EPB41L4A: variants seen among roughly 807,000 people sequenced by gnomAD.
EPB41L4A encodes erythrocyte membrane protein band 4.1 like 4A.
Under a neutral mutation model 108.6 loss-of-function variants are expected in EPB41L4A, and 100 were observed. That is an observed-to-expected ratio of 0.92 (90% CI 0.78 to 1.09). EPB41L4A has a LOEUF of 1.09. Ranked by LOEUF, EPB41L4A falls within the 50% of genes least tolerant of loss-of-function variation. EPB41L4A has a pLI of 0.00. For synonymous variants in EPB41L4A, 319 were observed against 289.0 expected (o/e 1.10, Z -1.05); for missense variants, 1,030 against 842.7 (o/e 1.22, Z -2.75).
chr5:112,370,582 GA>G (rs1435652418), intron 1 of EPB41L4A, among the ~76,000 whole-genome samples: 1 of 152,072 alleles, frequency 6.6e-6, no homozygotes, highest in Non-Finnish European at 1.5e-5. Context: ...TGGATTTTTA[GA>G]AAAGTTCGAT....
intron 1 of EPB41L4A, among the ~76,000 whole-genome samples, chr5:112,334,866 A>C (rs1756816349): frequency 1.3e-5 from 2 of 152,132 alleles, no homozygotes; most frequent in African/African-American, 4.8e-5. Flanking sequence ...GGATTACAAC[A>C]GTGAGTATAA....
At chr5:112,343,557 G>A (rs949325035) in intron 1 of EPB41L4A, among the ~76,000 whole-genome samples, 2 of 151,716 alleles carry the variant, frequency 1.3e-5, no homozygotes, top group East Asian at 1.9e-4. Context: ...CCATCACCAC[G>A]ACCACGTTCA....
At chr5:112,414,389 G>T (rs566354975) in intron 1 of EPB41L4A, among the ~76,000 whole-genome samples, 1 of 152,168 alleles carries the variant, frequency 6.6e-6, no homozygotes, top group Non-Finnish European at 1.5e-5. Context: ...GGTTCTCAAC[G>T]GAGGGTGATT....
chr5:112,235,867 G>A (rs911630363), intron 11 of EPB41L4A, among the ~76,000 whole-genome samples: 1 of 152,154 alleles, frequency 6.6e-6, no homozygotes, highest in Non-Finnish European at 1.5e-5. Flanking sequence ...ATGGAAATTC[G>A]GGAGGGGAGA....
chr5:112,291,721 G>C (rs1269834807), intron 2 of EPB41L4A, among the ~76,000 whole-genome samples: 1 of 152,224 alleles, frequency 6.6e-6, no homozygotes, highest in Non-Finnish European at 1.5e-5. Flanking sequence ...AGACTCAAGA[G>C]GACTTGGTCC....
At chr5:112,194,450 C>G in intron 17 of EPB41L4A, 118 bp downstream of exon 17, 1 of 574,248 alleles carries the variant, frequency 1.7e-6, no homozygotes, top group Non-Finnish European at 3.0e-6. Flanking sequence ...CAAAATAGTG[C>G]CAGATTGCTT....
chr5:112,385,321 G>C (rs1199896910), intron 1 of EPB41L4A, among the ~76,000 whole-genome samples: 3 of 151,928 alleles, frequency 2.0e-5, no homozygotes, highest in Non-Finnish European at 4.4e-5. Flanking sequence ...CCAATAAAAG[G>C]CATAAAAAAG....
chr5:112,182,116 C>G (rs1761189411), intron 18 of EPB41L4A, among the ~76,000 whole-genome samples: 1 of 151,562 alleles, frequency 6.6e-6, no homozygotes, highest in African/African-American at 2.4e-5. Flanking sequence ...TGGGCACTGA[C>G]TAGAAGGAGC....
chr5:112,313,590 C>CA (rs780956133), intron 1 of EPB41L4A, among the ~76,000 whole-genome samples: 1 of 152,024 alleles, frequency 6.6e-6, no homozygotes, highest in African/African-American at 2.4e-5. Flanking sequence ...GATTCCATCT[C>CA]AAAAAACAAA....
chr5:112,269,274 A>T (rs1207533665), intron 4 of EPB41L4A, among the ~76,000 whole-genome samples: 1 of 152,198 alleles, frequency 6.6e-6, no homozygotes, highest in Non-Finnish European at 1.5e-5. Context: ...TTAAAAAAAA[A>T]ATCAAAAACT....
rs936930416 is a variant in EPB41L4A, at chr5:112,193,226, G to A, written c.1502+1342C>T. Among the ~76,000 whole-genome samples, 4 of 152,198 alleles carry A rather than the reference G, an allele frequency of 2.6e-5. No homozygotes were observed. The South Asian group carries it at 6.2e-4, about 24-fold the overall frequency. On this transcript the variant is annotated intron_variant, in intron 17 of 22. Transcript: ENST00000261486. ...ATCACTGATTCAATTTGTGCCAAGC[G>A]CAAGGGTTCTAAGCATTAAAGAAAG... is the stretch of plus-strand genomic sequence containing the variant.
intron 1 of EPB41L4A, among the ~76,000 whole-genome samples, chr5:112,381,051 T>C (rs554232845): frequency 6.6e-6 from 1 of 152,288 alleles, no homozygotes; most frequent in South Asian, 2.1e-4. Context: ...GGATATCCAA[T>C]ATATTTCACA....
intron 6 of EPB41L4A, among the ~76,000 whole-genome samples, chr5:112,262,846 T>C (rs1451825129): frequency 6.6e-6 from 1 of 152,204 alleles, no homozygotes; most frequent in Non-Finnish European, 1.5e-5. Flanking sequence ...TTAAAAATTC[T>C]CAGTTTCAGA....
intron 18 of EPB41L4A, among the ~76,000 whole-genome samples, chr5:112,172,598 T>C (rs1760646243): frequency 6.6e-6 from 1 of 152,088 alleles, no homozygotes; most frequent in Non-Finnish European, 1.5e-5. Context: ...CTTTCCTACA[T>C]TTGGTTGGTC....
chr5:112,370,631 G>A (rs1759432962), intron 1 of EPB41L4A, among the ~76,000 whole-genome samples: 1 of 152,076 alleles, frequency 6.6e-6, no homozygotes, highest in South Asian at 2.1e-4. Flanking sequence ...AGTAAGTAAC[G>A]AGGCCGGACA....
intron 12 of EPB41L4A, among the ~76,000 whole-genome samples, chr5:112,226,071 T>C (rs888598824): frequency 2.8e-4 from 42 of 152,220 alleles, no homozygotes; most frequent in African/African-American, 9.9e-4. Flanking sequence ...TAGCAGATAC[T>C]GTGGGACTAT....
chr5:112,356,137 G>C (rs1216820195), intron 1 of EPB41L4A, among the ~76,000 whole-genome samples: 1 of 152,134 alleles, frequency 6.6e-6, no homozygotes, highest in Non-Finnish European at 1.5e-5. Flanking sequence ...CCACTTGACA[G>C]TAAACGTACT....
chr5:112,289,074 T>G (rs888153213), intron 2 of EPB41L4A, among the ~76,000 whole-genome samples: 1 of 152,172 alleles, frequency 6.6e-6, no homozygotes, highest in East Asian at 1.9e-4. Flanking sequence ...TCAACACTAT[T>G]CCTATCAAAA....
chr5:112,362,349 C>T (rs1029452990), intron 1 of EPB41L4A, among the ~76,000 whole-genome samples: 6 of 150,082 alleles, frequency 4.0e-5, no homozygotes, highest in Non-Finnish European at 8.8e-5. Context: ...GGCACCATCT[C>T]GGCTCACTGC....
Sources: allele counts gnomAD v4.1 joint callset (sites outside exome capture counted in the v4.1 genomes callset), GRCh38; gene constraint gnomAD v4.1.1; transcripts MANE v1.5; gene names NCBI Gene and HGNC (gene_info 2026-07-23, HGNC 2026-07-21).